The following TTN variants were observed in gnomAD, a reference collection of about 807,000 sequenced individuals.
The protein encoded by TTN is titin.
A neutral mutation model predicts 3,223.0 loss-of-function variants in TTN; 1,525 were observed. That is an observed-to-expected ratio of 0.47 (90% confidence interval 0.45 to 0.49). The LOEUF is 0.49. Among genes scored for constraint, TTN ranks in the 20% least tolerant of loss-of-function variants. TTN has a pLI of 0.00. For synonymous variants in TTN, 14,094 were observed against 15,161.0 expected (o/e 0.93, Z 5.17); for missense variants, 40,786 against 43,424.0 (o/e 0.94, Z 5.40).
chr2:178,621,406 T>G (rs1576558655), intron 245 of TTN, 38 bp from the exon 246 acceptor site: 3 of 1,607,402 alleles, frequency 1.9e-6, no homozygotes, highest in Admixed American at 1.7e-5. Context: ...GAAACATATG[T>G]CTTTGTACTT....
chr2:178,529,918 T>A, intron 359 of TTN, 42 bp downstream of exon 359: 2 of 1,562,516 alleles, frequency 1.3e-6, no homozygotes, highest in Admixed American at 2.2e-5. Flanking sequence ...TCCCTAATAT[T>A]ATCTTCTGAA....
Position 178,549,876 on chromosome 2 carries a change from G to C in TTN, c.91853-7C>G. ...ACTACTTTTCCTGGTGTATCTATAAGAAAAAGTTTCTAGAGTTAGTTTCTT... is the reference window on the plus strand; with the variant it reads ...ACTACTTTTCCTGGTGTATCTATAACAAAAAGTTTCTAGAGTTAGTTTCTT... On this transcript the variant is annotated splice_region_variant and splice_polypyrimidine_tract_variant and intron_variant, in intron 337 of 362. Coordinates refer to ENST00000589042, the MANE Select transcript of TTN (RefSeq NM_001267550.2). 1.3e-6 allele frequency: 2 copies of C among 1,544,696 alleles called. No individual in the cohort carries two copies. Among genetic ancestry groups the C allele is most frequent in the Non-Finnish European group, 1.7e-6 (2 of 1,149,956 alleles).
rs1445566495 is a variant in TTN at position 178,527,716 on chromosome 2, A to G, written c.107410T>C (p.Leu35804=). 14 of 1,609,044 alleles carry G rather than the reference A, an allele frequency of 8.7e-6. No individual in the cohort carries two copies. Among genetic ancestry groups the G allele is most frequent in the Admixed American group, 1.7e-5 (1 of 59,818 alleles). Residue 35804 remains leucine, a synonymous_variant, in exon 362 of 363, where the codon TTG becomes CTG. Transcript: ENST00000589042. The part of the protein sequence containing the change: ...LVEEPSREVV[L]RTSGDTSLQG... ...AAGCTTGTGTCACCACTTGTTCTCA[A>G]TACTACCTCTCTGGAAGGTTCTTCA...
rs560541272 is a variant in TTN at position 178,553,070 on chromosome 2, G to A, written c.89830C>T (p.His29944Tyr). 1.1e-5 allele frequency: 17 copies of A among 1,612,266 alleles called. No homozygotes were observed. The highest frequency in any genetic ancestry group is 1.2e-5 in the Non-Finnish European group (14 of 1,179,032). ...AAAGTGACTGTGCCTCGAGAAACATGTTTAACCTGTAGTTTCTGGCAGGCA... is the reference window on the plus strand; with the variant it reads ...AAAGTGACTGTGCCTCGAGAAACATATTTAACCTGTAGTTTCTGGCAGGCA... The part of the protein sequence containing the change: ...PAACQKLQVK[H>Y]VSRGTVTLLW... Residue 29944 changes from histidine to tyrosine, a missense_variant, in exon 335 of 363, where the codon CAT becomes TAT. His to Tyr is a moderately conservative substitution (Grantham distance 83). Coordinates refer to ENST00000589042, the MANE Select transcript of TTN (RefSeq NM_001267550.2).
rs794729554 is a variant in TTN at position 178,537,213 on chromosome 2, A to G, written c.99896T>C (p.Val33299Ala). 3 of 1,609,948 alleles carry G rather than the reference A, an allele frequency of 1.9e-6. No homozygotes were observed. Among genetic ancestry groups the G allele is most frequent in the Non-Finnish European group, 2.5e-6 (3 of 1,176,866 alleles). The change falls in exon 356 of 363, where the codon GTG becomes GCG. Residue 33299 changes from valine to alanine, a missense_variant. Coordinates refer to ENST00000589042, the MANE Select transcript of TTN (RefSeq NM_001267550.2). ...DKPDKPTGPIVIEALLKNSAV... is the reference protein window; with the variant it reads ...DKPDKPTGPIAIEALLKNSAV... ...GGAGTTCTTCAATAGAGCTTCGATC[A>G]CAATTGGTCCTGTAGGTTTGTCTGG... is the stretch of plus-strand genomic sequence containing the variant.
At position 178,530,573 on chromosome 2, in the gene TTN, T is replaced by G. The variant is rs1688670150; in HGVS notation, c.106042A>C (p.Asn35348His). Residue 35348 changes from asparagine to histidine, a missense_variant, in exon 358 of 363, where the codon AAC (asparagine) becomes CAC (histidine). Coordinates refer to ENST00000589042, the MANE Select transcript of TTN (RefSeq NM_001267550.2). ...TCTCCTTGATCAGATTCAGTGAGGTTATTGATTTTGAGCTCATAGGTACCA... is the reference window on the plus strand; with the variant it reads ...TCTCCTTGATCAGATTCAGTGAGGTGATTGATTTTGAGCTCATAGGTACCA... ...ADGTYELKIN[N>H]LTESDQGEYV... 2 of 1,614,044 alleles carry G rather than the reference T, an allele frequency of 1.2e-6. No homozygotes were observed. The highest frequency in any genetic ancestry group is 4.5e-5 in the East Asian group (2 of 44,884).
At position 178,732,260 on chromosome 2, in the gene TTN, G is replaced by T. The variant is rs535319438; in HGVS notation, c.16709C>A (p.Thr5570Asn). 1.9e-6 allele frequency: 3 copies of T among 1,613,754 alleles called. No homozygotes were observed. Among genetic ancestry groups the T allele is most frequent in the Admixed American group, 3.3e-5 (2 of 59,998 alleles). ...ATQLACKVTG[T>N]PPIKITWFAN... ...AAACCATGTTATTTTAATTGGAGGG[G>T]TACCAGTTACTTTGCAGGCTAGCTG... Residue 5570 changes from threonine to asparagine, a missense_variant, in exon 57 of 363, where the codon ACC becomes AAC. Coordinates refer to ENST00000589042, the MANE Select transcript of TTN (RefSeq NM_001267550.2).
Position 178,531,755 on chromosome 2 carries a change from G to A in TTN, c.104860C>T (p.Pro34954Ser). Residue 34954 changes from proline (P) to serine (S), a missense_variant, in exon 358 of 363, where the codon CCA becomes TCA. By Grantham distance (74) the Pro-to-Ser change is moderately conservative. Coordinates refer to ENST00000589042, the MANE Select transcript of TTN (RefSeq NM_001267550.2). ...ITLRMRSHRVPCGQNTRFILN... is the reference protein window; with the variant it reads ...ITLRMRSHRVSCGQNTRFILN... ...ATAAAACGTGTATTTTGGCCACATG[G>A]TACCCTGTGCGAGCGCATTCTCAGT... 1 of 1,613,986 alleles carries A rather than the reference G, an allele frequency of 6.2e-7. No individual in the cohort carries two copies. Among genetic ancestry groups the A allele is most frequent in the Non-Finnish European group, 8.5e-7 (1 of 1,179,882 alleles).
Position 178,533,579 on chromosome 2 carries a change from C to T in TTN, c.103036G>A (p.Ala34346Thr). The T allele has an allele frequency of 6.2e-7, 1 of 1,613,950 alleles. No homozygotes were observed. The highest frequency in any genetic ancestry group is 8.5e-7 in the Non-Finnish European group (1 of 1,179,858). The change falls in exon 358 of 363, where the codon GCA becomes ACA. Residue 34346 changes from alanine (A) to threonine (T), a missense_variant. By Grantham distance (58) the Ala-to-Thr change is moderately conservative (BLOSUM62 0). Coordinates refer to ENST00000589042, the MANE Select transcript of TTN (RefSeq NM_001267550.2). ...RNKYGEDSCK[A>T]KLTVTLHPPP... Reference sequence around the variant, plus strand: ...GGGTGTAGGGTTACTGTCAGCTTTGCTTTACAGCTGTCTTCACCATATTTG... The same window carrying T: ...GGGTGTAGGGTTACTGTCAGCTTTGTTTTACAGCTGTCTTCACCATATTTG...
rs780390859 is a variant in TTN at position 178,537,952 on chromosome 2, TAATACTC to T, written c.99290-42_99290-36del. The T allele has an allele frequency of 1.3e-5, 20 of 1,504,088 alleles. No individual in the cohort carries two copies. The East Asian group carries it at 4.7e-4, about 35-fold the overall frequency. The allele number at this position is 1,504,088 out of a possible 1,614,324, so 93.2% of individuals were successfully genotyped here. On this transcript the variant is annotated intron_variant, in intron 354 of 362. Coordinates refer to ENST00000589042, the MANE Select transcript of TTN (RefSeq NM_001267550.2). ...ATGAAAGATAATATTAAGTGACTGT[TAATACTC>T]AATCTGTAATCCTTTGTCCTTGTAT...
rs776981475 is a variant in TTN, at chr2:178,527,609, A to C, written c.107517T>G (p.Ser35839Arg). Residue 35839 changes from serine (S) to arginine (R), a missense_variant, in exon 362 of 363, where the codon AGT becomes AGG. Coordinates refer to ENST00000589042, the MANE Select transcript of TTN (RefSeq NM_001267550.2). Reference sequence around the variant, plus strand: ...ATTTCATCTCAGTCATGCTGCTAGCACTGCTGCTGCTGAAACTGCTGAAGG... The same window carrying C: ...ATTTCATCTCAGTCATGCTGCTAGCCCTGCTGCTGCTGAAACTGCTGAAGG... ...EASFSSFSSS[S>R]ASSMTEMKFA... 35 of 1,613,886 alleles carry C rather than the reference A, an allele frequency of 2.2e-5. No individual in the cohort carries two copies. The highest frequency in any genetic ancestry group is 2.8e-5 in the Non-Finnish European group (33 of 1,179,872).
At position 178,601,485 on chromosome 2, in the gene TTN, G is replaced by A. The variant is rs377164046; in HGVS notation, c.55512C>T (p.Asp18504=). ...GSCRLSWKMP[D]DDGGDRIKGY... ...CTTTGATCCTGTCTCCTCCATCGTC[G>A]TCTGGCATCTTCCATGAAAGTCTGC... is the stretch of plus-strand genomic sequence containing the variant. Residue 18504 remains aspartate (D), a synonymous_variant, in exon 287 of 363, where the codon GAC becomes GAT. Coordinates refer to ENST00000589042, the MANE Select transcript of TTN (RefSeq NM_001267550.2). 76 of 1,612,802 alleles carry A rather than the reference G, an allele frequency of 4.7e-5. No individual in the cohort carries two copies. In the African/African-American group the frequency reaches 7.1e-4, roughly 15 times the overall value.
Position 178,729,111 on chromosome 2 carries a change from G to A in TTN, c.18927C>T (p.Ala6309=), listed in dbSNP as rs370013727. 1.2e-6 allele frequency: 2 copies of A among 1,609,674 alleles called. No homozygotes were observed. Among genetic ancestry groups the A allele is most frequent in the Non-Finnish European group, 1.7e-6 (2 of 1,178,106 alleles). ...AACCTGCCACGGTACTCTGAAAGGT[G>A]GCAGAACTTTTCAAAACAGTAGTGG... ...ENTTTVLKSS[A]TFQSTVAGSP... The change falls in exon 65 of 363, where the codon GCC becomes GCT. Residue 6309 remains alanine (A), a synonymous_variant. Coordinates refer to ENST00000589042, the MANE Select transcript of TTN (RefSeq NM_001267550.2).
In TTN at chr2:178,599,082, G is replaced by T. The variant is rs541465069; in HGVS notation, c.56648-20C>A. ...GGACAGCTGTGAAAAAGATCATATT[G>T]ATTATAAGAAATTTAAAAAAAAAGT... On this transcript the variant is annotated intron_variant, in intron 290 of 362. Transcript: ENST00000589042. The T allele has an allele frequency of 1.3e-6, 2 of 1,515,838 alleles. No homozygotes were observed. The highest frequency in any genetic ancestry group is 1.4e-5 in the South Asian group (1 of 72,520). The allele number at this position is 1,515,838 out of a possible 1,614,324, so 93.9% of individuals were successfully genotyped here.
At chr2:178,702,890 A>T (rs2075249019) in intron 106 of TTN, among the ~76,000 whole-genome samples, 1 of 152,208 alleles carries the variant, frequency 6.6e-6, no homozygotes, top group Non-Finnish European at 1.5e-5. Context: ...GCAAAGTGTA[A>T]AGAAATTATT....
rs771365105 is a variant in TTN, at chr2:178,590,574, C to T, written c.61151G>A (p.Ser20384Asn). ...PPINPKLKDK[S>N]RETADLVWTK... is the part of the protein sequence containing the mutation. ...CCACACCAAATCAGCTGTTTCTCTG[C>T]TCTTGTCTTTCAGTTTAGGATTAAT... The change falls in exon 304 of 363, where the codon AGC (serine) becomes AAC (asparagine). Residue 20384 changes from serine to asparagine, a missense_variant. By Grantham distance (46) the Ser-to-Asn change is conservative (BLOSUM62 1). Transcript: ENST00000589042. 2 of 1,612,378 alleles carry T rather than the reference C, an allele frequency of 1.2e-6. No homozygotes were observed. Among genetic ancestry groups the T allele is most frequent in the African/African-American group, 1.3e-5 (1 of 74,822 alleles).
In TTN at chr2:178,725,669, T is replaced by C. The variant is rs757533132; in HGVS notation, c.20555-20A>G. On this transcript the variant is annotated intron_variant, in intron 70 of 362. Transcript: ENST00000589042. ...GTGGTTCTGAACAGGAAAAGATGGA[T>C]GGAAATTGTTGAAAAGATTGTCCAG... The C allele has an allele frequency of 6.4e-7, 1 of 1,554,812 alleles. No homozygotes were observed. The highest frequency in any genetic ancestry group is 1.9e-5 in the Admixed American group (1 of 52,384).
At position 178,651,963 on chromosome 2, in the gene TTN, G is replaced by A. The variant is rs569579388; in HGVS notation, c.39300C>T (p.Phe13100=). 10 of 1,610,192 alleles carry A rather than the reference G, an allele frequency of 6.2e-6. No homozygotes were observed. The highest frequency in any genetic ancestry group is 2.2e-5 in the South Asian group (2 of 90,530). The change falls in exon 205 of 363, where the codon TTC becomes TTT. Residue 13100 remains phenylalanine (F), a synonymous_variant. Coordinates refer to ENST00000589042, the MANE Select transcript of TTN (RefSeq NM_001267550.2). ...PKPESPPPEV[F]EEPEEVALEE... is the part of the protein sequence containing the mutation. ...CTAGGGCAACTTCCTCAGGCTCCTCGAACACTTTAAAGACATGAGCTCATT... is the reference window on the plus strand; with the variant it reads ...CTAGGGCAACTTCCTCAGGCTCCTCAAACACTTTAAAGACATGAGCTCATT...
chr2:178,697,156 T>C lies in TTN; in HGVS notation c.30767A>G (p.Lys10256Arg). 6.5e-7 allele frequency: 1 copy of C among 1,545,004 alleles called. No individual in the cohort carries two copies. The highest frequency in any genetic ancestry group is 8.7e-7 in the Non-Finnish European group (1 of 1,145,958). ...AATTAAGGTAGTAGGAGGTGGAGGC[T>C]TCTTGACAATCTCTGGGAGTTTAAA... ...EMTPREEIVK[K>R]PPPPTTLIPA... is the part of the protein sequence containing the mutation. The change falls in exon 113 of 363, where the codon AAG becomes AGG. Residue 10256 changes from lysine (K) to arginine (R), a missense_variant. By Grantham distance (26) the Lys-to-Arg change is conservative. Coordinates refer to ENST00000589042, the MANE Select transcript of TTN (RefSeq NM_001267550.2).
Sources: allele counts gnomAD v4.1 joint callset (sites outside exome capture counted in the v4.1 genomes callset), GRCh38; gene constraint gnomAD v4.1.1; transcripts MANE v1.5; gene names NCBI Gene and HGNC (gene_info 2026-07-23, HGNC 2026-07-21).